Variants in ZFPM2 observed in about 807,000 individuals in gnomAD.
ZFPM2 encodes the protein zinc finger protein ZFPM2.
ZFPM2 carries 20 observed loss-of-function variants against 98.6 expected under a neutral mutation model. That is an observed-to-expected ratio of 0.20 (90% CI 0.14 to 0.29). The LOEUF is 0.29. ZFPM2 is among the 10% of genes least tolerant of loss of function. ZFPM2 has a pLI of 1.00. For synonymous variants in ZFPM2, 518 were observed against 502.7 expected (o/e 1.03, Z -0.41); for missense variants, 1,310 against 1,388.6 (o/e 0.94, Z 0.90).
intron 5 of ZFPM2, among the ~76,000 whole-genome samples, chr8:105,739,369 TG>T (rs1812161664): frequency 6.6e-6 from 1 of 152,066 alleles, no homozygotes; most frequent in Non-Finnish European, 1.5e-5. Flanking sequence ...CCCGAATTGT[TG>T]GATGCAAACT....
chr8:105,746,517 T>C (rs1285860835), intron 5 of ZFPM2, among the ~76,000 whole-genome samples: 3 of 152,100 alleles, frequency 2.0e-5, no homozygotes, highest in Admixed American at 2.0e-4. Flanking sequence ...ATGCAGTTAC[T>C]AGTTACAAAT....
At chr8:105,328,946 G>T (rs191930113) in intron 1 of ZFPM2, among the ~76,000 whole-genome samples, 1 of 151,930 alleles carries the variant, frequency 6.6e-6, no homozygotes, top group Non-Finnish European at 1.5e-5. Flanking sequence ...GAGTGAATCT[G>T]AAATATTCAA....
intron 4 of ZFPM2, among the ~76,000 whole-genome samples, chr8:105,608,657 T>C (rs1370907251): frequency 6.7e-6 from 1 of 150,310 alleles, no homozygotes; most frequent in African/African-American, 2.4e-5. Context: ...TTTGGGTTTT[T>C]AGAGAAGATG....
intron 4 of ZFPM2, among the ~76,000 whole-genome samples, chr8:105,593,004 GAT>G (rs1815883719): frequency 6.6e-6 from 1 of 152,132 alleles, no homozygotes; most frequent in African/African-American, 2.4e-5. Context: ...TTAGGTTTCT[GAT>G]AGCAGCTGCT....
intron 5 of ZFPM2, among the ~76,000 whole-genome samples, chr8:105,752,752 C>G (rs1250628877): frequency 6.6e-6 from 1 of 152,064 alleles, no homozygotes; most frequent in South Asian, 2.1e-4. Context: ...AGTCATAACC[C>G]TCTATATAAT....
At chr8:105,576,770 A>C (rs2130732812) in intron 4 of ZFPM2, among the ~76,000 whole-genome samples, 1 of 152,240 alleles carries the variant, frequency 6.6e-6, no homozygotes, top group African/African-American at 2.4e-5. Context: ...GTTAATCATT[A>C]AGAAGGCTTT....
chr8:105,618,941 T>C (rs1014525064), intron 4 of ZFPM2, among the ~76,000 whole-genome samples: 4 of 152,196 alleles, frequency 2.6e-5, no homozygotes, highest in African/African-American at 7.2e-5. Flanking sequence ...ATATTTTCAA[T>C]TTATTTTTAA....
At chr8:105,552,873 G>A (rs1474270081) in intron 3 of ZFPM2, among the ~76,000 whole-genome samples, 2 of 146,904 alleles carry the variant, frequency 1.4e-5, no homozygotes, top group African/African-American at 5.1e-5. Context: ...CTGGAGTGCA[G>A]TGGCACACCT....
chr8:105,703,071 G>A lies in ZFPM2; in HGVS notation c.532+68714G>A, dbSNP rs570481584. Among the ~76,000 whole-genome samples the A allele has an allele frequency of 2.3e-4, 35 of 152,060 alleles. No homozygotes were observed. In the South Asian group the frequency reaches 6.0e-3, roughly 26 times the overall value. Reference sequence around the variant, plus strand: ...ACTCCTTTCCTGCCCCCCGCCCCGCGCCCAACATTCTTATATTCTGTAGAG... The same window carrying A: ...ACTCCTTTCCTGCCCCCCGCCCCGCACCCAACATTCTTATATTCTGTAGAG... On this transcript the variant is annotated intron_variant, in intron 5 of 7. Transcript: ENST00000407775.
chr8:105,399,532 T>C (rs1287289506), intron 1 of ZFPM2, among the ~76,000 whole-genome samples: 2 of 152,204 alleles, frequency 1.3e-5, no homozygotes, highest in Non-Finnish European at 2.9e-5. Context: ...TTGTTCCAAC[T>C]AGATACAACT....
intron 5 of ZFPM2, among the ~76,000 whole-genome samples, chr8:105,688,002 G>T (rs950152581): frequency 1.3e-5 from 2 of 152,054 alleles, no homozygotes; most frequent in African/African-American, 4.8e-5. Context: ...TGGCATCAAA[G>T]GGGCACTTAC....
intron 5 of ZFPM2, among the ~76,000 whole-genome samples, chr8:105,665,729 G>A (rs888968694): frequency 2.0e-5 from 3 of 152,100 alleles, no homozygotes; most frequent in Non-Finnish European, 2.9e-5. Flanking sequence ...ATTTATTAGC[G>A]ATGAGGCCTA....
chr8:105,470,589 A>G (rs889631576), intron 3 of ZFPM2, among the ~76,000 whole-genome samples: 1 of 152,100 alleles, frequency 6.6e-6, no homozygotes, highest in African/African-American at 2.4e-5. Context: ...ATCAGCCTGG[A>G]CAAAATGGCG....
intron 5 of ZFPM2, among the ~76,000 whole-genome samples, chr8:105,649,831 T>C (rs1056431552): frequency 6.6e-6 from 1 of 152,160 alleles, no homozygotes; most frequent in African/African-American, 2.4e-5. Flanking sequence ...AGGATATTGG[T>C]CTAAAATTCT....
At chr8:105,460,929 A>G (rs1199084103) in intron 3 of ZFPM2, among the ~76,000 whole-genome samples, 2 of 152,088 alleles carry the variant, frequency 1.3e-5, no homozygotes. Context: ...CATATAATGC[A>G]CTTTTTTGAT....
At chr8:105,380,852 TATATATA>T (rs763245973) in intron 1 of ZFPM2, among the ~76,000 whole-genome samples, 6 of 47,382 alleles carry the variant, frequency 1.3e-4, no homozygotes, top group South Asian at 6.9e-4. Flanking sequence ...TATATTATAA[TATATATA>T]ATATATAATA....
chr8:105,638,297 C>T (rs117162337), intron 5 of ZFPM2, among the ~76,000 whole-genome samples: 230 of 152,146 alleles, frequency 1.5e-3, no homozygotes, highest in Non-Finnish European at 2.8e-3. Context: ...GTAAAATTAA[C>T]CCTGCATGAG....
chr8:105,586,608 A>G (rs1005437828), intron 4 of ZFPM2, among the ~76,000 whole-genome samples: 2 of 151,432 alleles, frequency 1.3e-5, no homozygotes, highest in Non-Finnish European at 2.9e-5. Flanking sequence ...TTTTTAGTAG[A>G]GATGGGGTTT....
intron 5 of ZFPM2, among the ~76,000 whole-genome samples, chr8:105,751,630 A>C (rs1012350208): frequency 3.3e-5 from 5 of 152,070 alleles, no homozygotes; most frequent in African/African-American, 1.2e-4. Context: ...TGTCTTATTG[A>C]GATAACATTT....
Sources: allele counts gnomAD v4.1 joint callset (sites outside exome capture counted in the v4.1 genomes callset), GRCh38; gene constraint gnomAD v4.1.1; transcripts MANE v1.5; gene names NCBI Gene and HGNC (gene_info 2026-07-23, HGNC 2026-07-21).